Variants in NRXN1 observed in about 807,000 individuals in gnomAD.
The protein encoded by NRXN1 is neurexin-1.
Under a neutral mutation model 150.9 loss-of-function variants are expected in NRXN1, and 39 were observed. The observed-to-expected ratio is 0.26, with a 90% confidence interval of 0.20 to 0.34. The LOEUF (loss-of-function observed/expected upper bound fraction) is 0.34, where lower values mean the gene tolerates loss of function less well. Ranked by LOEUF, NRXN1 falls within the 10% of genes least tolerant of loss-of-function variation. The pLI, the probability that NRXN1 is intolerant of heterozygous loss-of-function variation, is 1.00. For missense variants in NRXN1, 1,815 were observed against 1,949.9 expected (o/e 0.93, Z 1.30); for synonymous variants, 924 against 757.0 (o/e 1.22, Z -3.62).
chr2:50,524,293 A>G (rs2092881295), intron 12 of NRXN1, among the ~76,000 whole-genome samples: 1 of 152,092 alleles, frequency 6.6e-6, no homozygotes, highest in Admixed American at 6.6e-5. Flanking sequence ...AGCCCGGCCA[A>G]CATGGCAAAA....
At chr2:50,164,243 A>G (rs923284981) in intron 18 of NRXN1, among the ~76,000 whole-genome samples, 1 of 152,200 alleles carries the variant, frequency 6.6e-6, no homozygotes, top group Non-Finnish European at 1.5e-5. Flanking sequence ...ACAATGAGAG[A>G]AACTGTTTCA....
intron 2 of NRXN1, among the ~76,000 whole-genome samples, chr2:50,943,875 T>A (rs1689893240): frequency 6.6e-6 from 1 of 152,324 alleles, no homozygotes; most frequent in East Asian, 1.9e-4. Context: ...TAATTGTATT[T>A]CCTCATCCTA....
intron 12 of NRXN1, among the ~76,000 whole-genome samples, chr2:50,508,414 G>A (rs77110333): frequency 2.7e-5 from 4 of 148,250 alleles, no homozygotes; most frequent in Non-Finnish European, 3.0e-5. Flanking sequence ...GTTCCAGGAT[G>A]AAAAAAAAAA....
chr2:50,088,557 G>A (rs1699121629), intron 19 of NRXN1, among the ~76,000 whole-genome samples: 1 of 152,074 alleles, frequency 6.6e-6, no homozygotes. Flanking sequence ...TGGTAAAAGG[G>A]CATTTAAAAT....
At chr2:50,166,491 A>T (rs1355557779) in intron 18 of NRXN1, among the ~76,000 whole-genome samples, 1 of 152,134 alleles carries the variant, frequency 6.6e-6, no homozygotes, top group African/African-American at 2.4e-5. Flanking sequence ...CAAGATAAAG[A>T]GCCCAGTCAA....
chr2:50,553,221 CTT>C (rs1168311743), intron 8 of NRXN1, among the ~76,000 whole-genome samples, 196 bp from the exon 9 acceptor site: 1 of 152,194 alleles, frequency 6.6e-6, no homozygotes, highest in African/African-American at 2.4e-5. Context: ...AACAACTTAA[CTT>C]GATTCAAATA....
At chr2:50,603,183 T>C (rs1356232753) in intron 8 of NRXN1, among the ~76,000 whole-genome samples, 1 of 152,220 alleles carries the variant, frequency 6.6e-6, no homozygotes, top group African/African-American at 2.4e-5. Context: ...AGTGGAAGCA[T>C]ATCCAGTATT....
chr2:50,952,948 C>T (rs941250021), intron 2 of NRXN1, among the ~76,000 whole-genome samples: 4 of 152,138 alleles, frequency 2.6e-5, no homozygotes, highest in Non-Finnish European at 4.4e-5. Flanking sequence ...CTTTGTGCTC[C>T]ATTGTGTCCC....
intron 17 of NRXN1, among the ~76,000 whole-genome samples, chr2:50,246,287 C>G (rs1417057533): frequency 1.3e-5 from 2 of 151,876 alleles, no homozygotes; most frequent in African/African-American, 4.8e-5. Context: ...TTACTCTATA[C>G]CAGAAAGGCT....
intron 13 of NRXN1, among the ~76,000 whole-genome samples, chr2:50,499,892 G>A (rs1346770910): frequency 1.4e-5 from 2 of 147,714 alleles, no homozygotes; most frequent in Non-Finnish European, 3.0e-5. Context: ...AGGTTGCAGT[G>A]AGCTGAGATT....
chr2:50,890,619 G>A (rs910748191), intron 5 of NRXN1, among the ~76,000 whole-genome samples: 3 of 151,812 alleles, frequency 2.0e-5, no homozygotes, highest in South Asian at 2.1e-4. Flanking sequence ...GTCAGACTAC[G>A]TTAAGTATGA....
intron 18 of NRXN1, among the ~76,000 whole-genome samples, chr2:50,223,420 T>C (rs2064076868): frequency 6.6e-6 from 1 of 151,942 alleles, no homozygotes; most frequent in African/African-American, 2.4e-5. Flanking sequence ...TTGATTTAGG[T>C]ATTTGGAGGC....
chr2:50,424,403 T>C (rs2084313636), intron 17 of NRXN1, among the ~76,000 whole-genome samples: 1 of 149,986 alleles, frequency 6.7e-6, no homozygotes, highest in African/African-American at 2.5e-5. Flanking sequence ...TGTTTGCAAA[T>C]CAGAGAGACG....
chr2:50,764,293 C>T (rs1156942940), intron 5 of NRXN1, among the ~76,000 whole-genome samples: 1 of 151,866 alleles, frequency 6.6e-6, no homozygotes, highest in Non-Finnish European at 1.5e-5. Flanking sequence ...CAAATGTGTT[C>T]CTAAAAAATT....
intron 17 of NRXN1, among the ~76,000 whole-genome samples, chr2:50,272,328 T>C (rs1025811017): frequency 6.6e-6 from 1 of 152,160 alleles, no homozygotes; most frequent in South Asian, 2.1e-4. Context: ...AAAGGTGTTT[T>C]GGTAAGGGTG....
intron 9 of NRXN1, among the ~76,000 whole-genome samples, chr2:50,549,765 A>G (rs989888198): frequency 3.9e-5 from 6 of 152,214 alleles, no homozygotes; most frequent in African/African-American, 1.2e-4. Flanking sequence ...CTTGAAGATT[A>G]AAGTATTTAT....
intron 17 of NRXN1, among the ~76,000 whole-genome samples, chr2:50,323,760 G>C (rs968375715): frequency 6.6e-6 from 1 of 152,198 alleles, no homozygotes; most frequent in African/African-American, 2.4e-5. Flanking sequence ...ATGTGTATCT[G>C]TTCATTAAGC....
At chr2:50,020,894 A>G (rs1259929488) in intron 21 of NRXN1, among the ~76,000 whole-genome samples, 1 of 152,154 alleles carries the variant, frequency 6.6e-6, no homozygotes. Flanking sequence ...GAGTAACTAT[A>G]ATAATCCTTC....
At chr2:50,107,822 C>A (rs934126765) in intron 18 of NRXN1, among the ~76,000 whole-genome samples, 2 of 151,924 alleles carry the variant, frequency 1.3e-5, no homozygotes, top group Admixed American at 1.3e-4. Context: ...CCAATTTAGT[C>A]TTTTAAATAT....
Sources: allele counts gnomAD v4.1 joint callset (sites outside exome capture counted in the v4.1 genomes callset), GRCh38; gene constraint gnomAD v4.1.1; transcripts MANE v1.5; gene names NCBI Gene and HGNC (gene_info 2026-07-23, HGNC 2026-07-21).